Variants in ZNF665 observed in about 807,000 individuals in gnomAD.
ZNF665 encodes zinc finger protein 665.
ZNF665 carries 6 observed loss-of-function variants against 7.9 expected under a neutral mutation model. That is an observed-to-expected ratio of 0.76 (90% CI 0.42 to 1.50). The LOEUF (loss-of-function observed/expected upper bound fraction) is 1.50, where lower values mean the gene tolerates loss of function less well. Among genes scored for constraint, ZNF665 ranks in the 40% most tolerant of loss-of-function variants. The pLI, the probability that ZNF665 is intolerant of heterozygous loss-of-function variation, is 0.01. For synonymous variants in ZNF665, 242 were observed against 274.5 expected (o/e 0.88, Z 1.17); for missense variants, 819 against 806.7 (o/e 1.02, Z -0.18).
chr19:53,167,601 C>T (rs1222331033), intron 3 of ZNF665, among the ~76,000 whole-genome samples: 9 of 150,470 alleles, frequency 6.0e-5, no homozygotes, highest in South Asian at 2.1e-4. Context: ...CGCCCGCCAC[C>T]GCGCCCGGCT....
intron 2 of ZNF665, among the ~76,000 whole-genome samples, chr19:53,176,204 T>C (rs754688442): frequency 3.3e-5 from 5 of 151,814 alleles, no homozygotes; most frequent in Non-Finnish European, 7.4e-5. Context: ...GATTACAGGG[T>C]TGGGACTTCC....
chr19:53,189,890 A>G (rs1028109207), intron 1 of ZNF665, among the ~76,000 whole-genome samples: 7 of 152,200 alleles, frequency 4.6e-5, no homozygotes, highest in Admixed American at 4.6e-4. Context: ...CGCTGGCGTC[A>G]CCACTAGACC....
chr19:53,166,099 C>T lies in ZNF665; in HGVS notation c.391G>A (p.Ala131Thr). 6.8e-6 allele frequency: 11 copies of T among 1,614,016 alleles called. No homozygotes were observed. Among genetic ancestry groups the T allele is most frequent in the Non-Finnish European group, 9.3e-6 (11 of 1,179,924 alleles). The part of the protein sequence containing the change: ...PGRRAQRDRR[A>T]AGNRHIENQL... ...TTTTCAATATGCCTGTTTCCTGCAG[C>T]CCTTCTATCACGTTGAGCTCTTCTA... The change falls in exon 4 of 4, where the codon GCT becomes ACT. Residue 131 changes from alanine to threonine, a missense_variant. By Grantham distance (58) the Ala-to-Thr change is moderately conservative. Transcript: ENST00000396424.
chr19:53,175,415 C>T, intron 3 of ZNF665, 30 bp downstream of exon 3: 1 of 1,599,488 alleles, frequency 6.3e-7, no homozygotes. Flanking sequence ...CGAGAACAGA[C>T]CCTGACTTCT....
chr19:53,164,446 A>G lies in ZNF665; in HGVS notation c.*7T>C, dbSNP rs2146828926. 1 of 1,559,920 alleles carries G rather than the reference A, an allele frequency of 6.4e-7. No homozygotes were observed. The highest frequency in any genetic ancestry group is 2.3e-5 in the East Asian group (1 of 44,380). On this transcript the variant is annotated 3_prime_UTR_variant, in exon 4 of 4. Coordinates refer to ENST00000396424, the MANE Select transcript of ZNF665 (RefSeq NM_024733.5). ...AGCCACCACGCCCGGCGTCCTTTGT[A>G]AGGTTTCTATCCACTATGAATTCTT...
chr19:53,172,891 G>C (rs186930868), intron 3 of ZNF665, among the ~76,000 whole-genome samples: 1 of 150,366 alleles, frequency 6.7e-6, no homozygotes, highest in Non-Finnish European at 1.5e-5. Context: ...TTTTTAAATT[G>C]GTTTGTTTTC....
intron 1 of ZNF665, 114 bp from the exon 2 acceptor site, chr19:53,183,057 G>T: frequency 8.7e-7 from 1 of 1,149,644 alleles, no homozygotes; most frequent in Non-Finnish European, 1.3e-6. Context: ...ACACAGGGAA[G>T]ACCTTATACA....
rs74317685 is a variant in ZNF665 at position 53,172,877 on chromosome 19, C to T, written c.142+2568G>A. On this transcript the variant is annotated intron_variant, in intron 3 of 3. Coordinates refer to ENST00000396424, the MANE Select transcript of ZNF665 (RefSeq NM_024733.5). Reference sequence around the variant, plus strand: ...TAAAATGTATATTGAGATCCCTTGGCCATTTTTTAAATTGGTTTGTTTTCA... The same window carrying T: ...TAAAATGTATATTGAGATCCCTTGGTCATTTTTTAAATTGGTTTGTTTTCA... 4.8e-4 allele frequency among the ~76,000 whole-genome samples: 72 copies of T among 150,662 alleles called. 2 individuals are homozygous for T. The East Asian group carries it at 0.012, about 26-fold the overall frequency.
chr19:53,166,375 C>A, intron 3 of ZNF665, 28 bp from the exon 4 acceptor site: 1 of 1,507,462 alleles, frequency 6.6e-7, no homozygotes, highest in Non-Finnish European at 8.9e-7. Context: ...CCATAGATTT[C>A]CAGTTAACTA....
rs2090600634 is a variant in ZNF665, at chr19:53,165,288, GGCTTTTCTCC to G, written c.1192_1201del (p.Gly398LeufsTer17). On this transcript the variant is annotated frameshift_variant, in exon 4 of 4. Transcript: ENST00000396424. LOFTEE classifies it low-confidence loss of function (END_TRUNC). ...CTTGACGCATTCATTACATTTGAAA[GGCTTTTCTCC>G]GGTATGGATGATCTGATGCTTAGTT... The G allele has an allele frequency of 6.2e-7, 1 of 1,613,180 alleles. No homozygotes were observed. Among genetic ancestry groups the G allele is most frequent in the Admixed American group, 1.7e-5 (1 of 59,952 alleles).
Position 53,164,577 on chromosome 19 carries a change from C to A in ZNF665, c.1913G>T (p.Arg638Leu). The change falls in exon 4 of 4, where the codon CGT (arginine) becomes CTT (leucine). Residue 638 changes from arginine to leucine, a missense_variant. Physicochemically the swap from Arg to Leu is moderately radical, Grantham distance 102. Coordinates refer to ENST00000396424, the MANE Select transcript of ZNF665 (RefSeq NM_024733.5). ...CNECGKAFSV[R>L]STLTTHMAVH... ...TGCCATATGGGTAGTTAGGGTTGAA[C>A]GAACACTGAAGGCTTTCCCACACTC... 1 of 1,613,906 alleles carries A rather than the reference C, an allele frequency of 6.2e-7. No individual in the cohort carries two copies. Among genetic ancestry groups the A allele is most frequent in the Non-Finnish European group, 8.5e-7 (1 of 1,179,964 alleles).
At chr19:53,192,331 A>T (rs1391254455) in intron 1 of ZNF665, among the ~76,000 whole-genome samples, 1 of 151,100 alleles carries the variant, frequency 6.6e-6, no homozygotes, top group Non-Finnish European at 1.5e-5. Flanking sequence ...TCTCCTTGTC[A>T]CCAGCTGCCC....
At chr19:53,171,378 C>A (rs534361906) in intron 3 of ZNF665, among the ~76,000 whole-genome samples, 1 of 151,534 alleles carries the variant, frequency 6.6e-6, no homozygotes, top group Admixed American at 6.6e-5. Context: ...CAAATACTTG[C>A]AACACTTGAG....
intron 1 of ZNF665, among the ~76,000 whole-genome samples, chr19:53,190,484 T>C (rs1400589830): frequency 6.6e-6 from 1 of 152,248 alleles, no homozygotes; most frequent in Non-Finnish European, 1.5e-5. Context: ...TCTGACACTG[T>C]CAGTTCTCCC....
rs111571580 is a variant in ZNF665 at position 53,167,852 on chromosome 19, C to T, written c.143-1505G>A. ...CGGGTGGATCACGAGGTCAGGAGAT[C>T]GAGACCATCCTGGCTAACACGATGA... On this transcript the variant is annotated intron_variant, in intron 3 of 3. Transcript: ENST00000396424. Among the ~76,000 whole-genome samples the T allele has an allele frequency of 4.3e-3, 637 of 148,312 alleles. 2 individuals are homozygous for T. The highest frequency in any genetic ancestry group is 0.015 in the African/African-American group (599 of 40,708).
At chr19:53,168,839 T>A (rs879432708) in intron 3 of ZNF665, among the ~76,000 whole-genome samples, 1 of 152,150 alleles carries the variant, frequency 6.6e-6, no homozygotes, top group Non-Finnish European at 1.5e-5. Context: ...GGCAATTCCA[T>A]GGAGAAAAGA....
At chr19:53,167,415 G>A (rs1006163189) in intron 3 of ZNF665, among the ~76,000 whole-genome samples, 2 of 151,784 alleles carry the variant, frequency 1.3e-5, no homozygotes, top group Admixed American at 6.6e-5. Flanking sequence ...ATTAGTAACC[G>A]TGTTTACAGG....
At chr19:53,182,805 C>T (rs549966674) in intron 2 of ZNF665, 79 bp downstream of exon 2, 1 of 1,604,792 alleles carries the variant, frequency 6.2e-7, no homozygotes, top group South Asian at 1.1e-5. Context: ...GCTTCAGACT[C>T]AGAGAAGATT....
intron 3 of ZNF665, among the ~76,000 whole-genome samples, chr19:53,170,587 G>C (rs767175572): frequency 6.6e-6 from 1 of 152,116 alleles, no homozygotes; most frequent in African/African-American, 2.4e-5. Flanking sequence ...ATATCCTCGG[G>C]GTCCATCCAT....
Sources: gnomAD v4.1 joint callset for allele counts (sites outside exome capture counted in the v4.1 genomes callset) on GRCh38, gnomAD v4.1.1 for gene constraint, MANE v1.5 for transcripts, NCBI Gene and HGNC (gene_info 2026-07-23, HGNC 2026-07-21) for gene names.